CELF5: variants seen among roughly 807,000 people sequenced by gnomAD.
CELF5 encodes CUG-BP and ETR-3 like factor 5.
In CELF5, 6 loss-of-function variants were observed where a neutral mutation model predicts 54.9. The observed-to-expected ratio is 0.11, with a 90% CI of 0.06 to 0.22. CELF5 has a LOEUF of 0.22. Ranked by LOEUF, CELF5 falls within the 10% of genes least tolerant of loss-of-function variation. CELF5 has a pLI of 1.00. For missense variants in CELF5, 401 were observed against 678.6 expected (o/e 0.59, Z 4.54); for synonymous variants, 271 against 290.9 (o/e 0.93, Z 0.70).
rs1483874170 is a variant in CELF5 at position 3,282,513 on chromosome 19, T to C, written c.1039+15T>C. 1 of 1,607,602 alleles carries C rather than the reference T, an allele frequency of 6.2e-7. No homozygotes were observed. ...GCCCTACCCAGGTAAATTGGGGTCG[T>C]CCTCTGGGGCCTAGGAGAGTGGTGG... On this transcript the variant is annotated intron_variant, in intron 8 of 12. Coordinates refer to ENST00000292672, the MANE Select transcript of CELF5 (RefSeq NM_021938.4). This position sits in a 1 kb window ranked among gnomAD's most constrained non-coding sequence, Gnocchi z 5.2.
At chr19:3,277,608 C>T (rs1481171064) in intron 4 of CELF5, among the ~76,000 whole-genome samples, 1 of 152,266 alleles carries the variant, frequency 6.6e-6, no homozygotes, top group Non-Finnish European at 1.5e-5. Context: ...CATTCCACCC[C>T]CTCCCTCCAC....
chr19:3,285,863 C>T, intron 9 of CELF5, 79 bp from the exon 10 acceptor site: 1 of 977,916 alleles, frequency 1.0e-6, no homozygotes, highest in Admixed American at 3.6e-5. Context: ...TGGCCCCGCC[C>T]CCTCCCCGCC....
At chr19:3,235,239 T>G (rs2144993080) in intron 1 of CELF5, among the ~76,000 whole-genome samples, 1 of 152,260 alleles carries the variant, frequency 6.6e-6, no homozygotes, top group East Asian at 1.9e-4. Context: ...TCACCTTTTT[T>G]TGTGAAACCC....
chr19:3,263,977 T>C (rs2079845105), intron 2 of CELF5, among the ~76,000 whole-genome samples: 1 of 152,098 alleles, frequency 6.6e-6, no homozygotes, highest in Non-Finnish European at 1.5e-5. Context: ...GAAACATAAA[T>C]ACTTACAAAA....
In CELF5 at chr19:3,274,434, G is replaced by A. The variant is rs143396933; in HGVS notation, c.394+511G>A. ...GTTTCTGCAGCTGGTGCACATAAGC[G>A]CACATGTGTGGTATGCAGTGGGGAT... is the stretch of plus-strand genomic sequence containing the variant. On this transcript the variant is annotated intron_variant, in intron 3 of 12. Transcript: ENST00000292672. 2.3e-3 allele frequency among the ~76,000 whole-genome samples: 358 copies of A among 152,342 alleles called. 1 individual carries two copies. The highest frequency in any genetic ancestry group is 4.0e-3 in the East Asian group (21 of 5,188).
chr19:3,255,474 G>A (rs892233217), intron 2 of CELF5, among the ~76,000 whole-genome samples: 3 of 152,086 alleles, frequency 2.0e-5, no homozygotes, highest in African/African-American at 7.2e-5. Flanking sequence ...GTAAGCCATT[G>A]AGCCTACTGC....
At chr19:3,240,451 C>G (rs532528242) in intron 1 of CELF5, among the ~76,000 whole-genome samples, 1 of 151,972 alleles carries the variant, frequency 6.6e-6, no homozygotes, top group African/African-American at 2.4e-5. Flanking sequence ...CCTCAGCCTC[C>G]TACGTAGCTG....
chr19:3,290,709 G>A (rs1300961140), intron 11 of CELF5, among the ~76,000 whole-genome samples: 3 of 148,948 alleles, frequency 2.0e-5, no homozygotes, highest in South Asian at 2.1e-4. Context: ...GACTACAGGC[G>A]CCCGCCACCA....
intron 1 of CELF5, among the ~76,000 whole-genome samples, chr19:3,242,533 G>A (rs1178942532): frequency 2.0e-5 from 3 of 151,922 alleles, no homozygotes; most frequent in African/African-American, 2.4e-5. Flanking sequence ...ATGGCCGGGC[G>A]CAGTGACTCA....
At chr19:3,290,177 G>T (rs1425136033) in intron 10 of CELF5, 54 bp from the exon 11 acceptor site, 2 of 1,526,402 alleles carry the variant, frequency 1.3e-6, no homozygotes, top group East Asian at 2.3e-5. Context: ...CTCCCCCGGG[G>T]GGGTTCGCCT....
rs558834106 is a variant in CELF5, at chr19:3,278,691, G to A, written c.603+581G>A. On this transcript the variant is annotated intron_variant, in intron 5 of 12. Coordinates refer to ENST00000292672, the MANE Select transcript of CELF5 (RefSeq NM_021938.4). The surrounding 1 kb of genome is among the most constrained non-coding windows in gnomAD (Gnocchi z 4.5). The stretch of plus-strand genomic sequence containing the variant: ...TTTGTGGGCAGGTTTGTGTGTGTGT[G>A]TGTGTGTGTTTGTGTGTGTGCATGA... 1.3e-5 allele frequency among the ~76,000 whole-genome samples: 2 copies of A among 151,710 alleles called. No homozygotes were observed. The highest frequency in any genetic ancestry group is 2.4e-5 in the African/African-American group (1 of 41,320).
At position 3,290,769 on chromosome 19, in the gene CELF5, T is replaced by C. The variant is rs1356769578; in HGVS notation, c.1330+395T>C. Among the ~76,000 whole-genome samples the C allele has an allele frequency of 1.0e-4, 15 of 150,348 alleles. No individual in the cohort carries two copies. The South Asian group carries it at 3.2e-3, about 32-fold the overall frequency. Reference sequence around the variant, plus strand: ...TTTAAGTAGAGACGGGGTTTCACAGTGTTAGCCAGGAAGGTCTCCATCTCC... The same window carrying C: ...TTTAAGTAGAGACGGGGTTTCACAGCGTTAGCCAGGAAGGTCTCCATCTCC... On this transcript the variant is annotated intron_variant, in intron 11 of 12. Transcript: ENST00000292672.
intron 2 of CELF5, among the ~76,000 whole-genome samples, chr19:3,256,100 T>A (rs922344738): frequency 2.0e-5 from 3 of 150,818 alleles, no homozygotes; most frequent in Non-Finnish European, 4.4e-5. Flanking sequence ...GATACTATTT[T>A]TGGAGGTGTT....
At chr19:3,226,475 C>CACACACACACAA (rs3222224) in intron 1 of CELF5, among the ~76,000 whole-genome samples, 5 of 151,614 alleles carry the variant, frequency 3.3e-5, no homozygotes, top group South Asian at 4.2e-4. Context: ...CACACACACA[C>CACACACACACAA]AAAATTGGGC....
rs535477760 is a variant in CELF5, at chr19:3,275,353, C to T, written c.395-503C>T. 4.6e-5 allele frequency among the ~76,000 whole-genome samples: 7 copies of T among 152,356 alleles called. No homozygotes were observed. In the East Asian group the frequency reaches 1.4e-3, roughly 29 times the overall value. ...GTGACTGCCTGGCCCCTCTTGATCCCGACAAAGTTGGGCAGGGGCCTCTGC... is the reference window on the plus strand; with the variant it reads ...GTGACTGCCTGGCCCCTCTTGATCCTGACAAAGTTGGGCAGGGGCCTCTGC... On this transcript the variant is annotated intron_variant, in intron 3 of 12. Transcript: ENST00000292672. This position sits in a 1 kb window ranked among gnomAD's most constrained non-coding sequence, Gnocchi z 6.7.
chr19:3,236,653 A>G (rs1417655740), intron 1 of CELF5, among the ~76,000 whole-genome samples: 2 of 152,062 alleles, frequency 1.3e-5, no homozygotes, highest in African/African-American at 2.4e-5. Flanking sequence ...GGAATATTGA[A>G]TGACTCTGAG....
chr19:3,293,585 G>T (rs1409571221), intron 12 of CELF5, 99 bp downstream of exon 12: 5 of 1,059,698 alleles, frequency 4.7e-6, no homozygotes, highest in Middle Eastern at 4.8e-4. Flanking sequence ...CCCAGGTGGG[G>T]TGATGCTTCA....
At chr19:3,286,912 G>C (rs1228957754) in intron 10 of CELF5, 2 of 151,496 alleles carry the variant, frequency 1.3e-5, no homozygotes, top group Non-Finnish European at 2.9e-5. Flanking sequence ...GCGGGCGCCT[G>C]TGGTCCCAGC....
chr19:3,237,880 T>G (rs907601324), intron 1 of CELF5, among the ~76,000 whole-genome samples: 5 of 148,590 alleles, frequency 3.4e-5, no homozygotes, highest in African/African-American at 1.0e-4. Flanking sequence ...AAACCCCGTC[T>G]CTACTAAAAA....
Sources: allele counts gnomAD v4.1 joint callset (sites outside exome capture counted in the v4.1 genomes callset), GRCh38; gene constraint gnomAD v4.1.1; non-coding constraint Gnocchi (gnomAD v3.1); transcripts MANE v1.5; gene names NCBI Gene and HGNC (gene_info 2026-07-23, HGNC 2026-07-21).